Variants in TENM3 observed in about 807,000 individuals in gnomAD.
TENM3 encodes the protein teneurin transmembrane protein 3.
TENM3 carries 63 observed loss-of-function variants against 255.1 expected under a neutral mutation model. The observed-to-expected ratio is 0.25, with a 90% CI of 0.20 to 0.30. The LOEUF is 0.30. Ranked by LOEUF, TENM3 falls within the 10% of genes least tolerant of loss-of-function variation. TENM3 has a pLI of 1.00. For missense variants in TENM3, 2,929 were observed against 3,461.1 expected (o/e 0.85, Z 3.86); for synonymous variants, 1,306 against 1,322.3 (o/e 0.99, Z 0.27).
At chr4:182,784,007 TC>T (rs1219404632) in intron 24 of TENM3, among the ~76,000 whole-genome samples, 1 of 152,248 alleles carries the variant, frequency 6.6e-6, no homozygotes, top group Non-Finnish European at 1.5e-5. Context: ...TTGAATGTCC[TC>T]CCGTAGCTCA....
At chr4:181,510,339 A>G in the TENM3 span, among the ~76,000 whole-genome samples, 4 of 152,302 alleles carry the variant, frequency 2.6e-5, no homozygotes, top group Admixed American at 2.6e-4. Flanking sequence ...GTCCAGACAA[A>G]CAACATACCA....
chr4:181,627,633 G>C, the TENM3 span, among the ~76,000 whole-genome samples: 1 of 152,130 alleles, frequency 6.6e-6, no homozygotes, highest in Non-Finnish European at 1.5e-5. Flanking sequence ...ATGGTTTCCA[G>C]CTTCATCCAT....
the TENM3 span, among the ~76,000 whole-genome samples, chr4:181,478,636 T>C: frequency 1.3e-5 from 2 of 152,342 alleles, no homozygotes; most frequent in Admixed American, 6.5e-5. Flanking sequence ...TTATTAATTC[T>C]TTCAGTAAAA....
At chr4:182,432,849 G>GGGGTGTGTGTGT (rs747628733) in intron 3 of TENM3, among the ~76,000 whole-genome samples, 84 of 143,080 alleles carry the variant, frequency 5.9e-4, no homozygotes, top group African/African-American at 1.9e-3. Context: ...AATGGATTTG[G>GGGGTGTGTGTGT]GTGTGTGTGT....
intron 1 of TENM3, among the ~76,000 whole-genome samples, chr4:182,225,003 A>G (rs1756063378): frequency 6.6e-6 from 1 of 152,100 alleles, no homozygotes; most frequent in Admixed American, 6.5e-5. Context: ...AAGTGCTGGG[A>G]CTACAGGCAG....
At chr4:182,298,455 T>C (rs1254954287) in intron 1 of TENM3, among the ~76,000 whole-genome samples, 1 of 152,156 alleles carries the variant, frequency 6.6e-6, no homozygotes, top group Non-Finnish European at 1.5e-5. Context: ...GGGAACTTTG[T>C]TGTTAAAAGG....
At chr4:182,718,652 C>T (rs1183098386) in intron 13 of TENM3, among the ~76,000 whole-genome samples, 1 of 152,198 alleles carries the variant, frequency 6.6e-6, no homozygotes, top group Non-Finnish European at 1.5e-5. Flanking sequence ...GAATCTTCTT[C>T]TCTCTGTCTC....
intron 3 of TENM3, among the ~76,000 whole-genome samples, chr4:182,483,882 C>A (rs1233271955): frequency 5.9e-5 from 9 of 152,030 alleles, no homozygotes; most frequent in Non-Finnish European, 1.3e-4. Flanking sequence ...TTAACCAGAT[C>A]TCGCGAGAAC....
chr4:181,995,074 A>G, the TENM3 span, among the ~76,000 whole-genome samples: 5 of 152,186 alleles, frequency 3.3e-5, no homozygotes, highest in East Asian at 9.7e-4. Context: ...AGATCACTTG[A>G]GGTCAGGAGT....
intron 5 of TENM3, among the ~76,000 whole-genome samples, chr4:182,642,642 A>G (rs1752414535): frequency 6.6e-6 from 1 of 152,212 alleles, no homozygotes; most frequent in Non-Finnish European, 1.5e-5. Context: ...GCATAGAAAT[A>G]TAAAATATTG....
At chr4:182,544,262 G>A (rs62339067) in intron 3 of TENM3, among the ~76,000 whole-genome samples, 2,194 of 149,548 alleles carry the variant, frequency 0.015, 22 homozygotes, top group Middle Eastern at 0.039. Flanking sequence ...TGCCTTTCAA[G>A]TTCCAGCTCA....
chr4:182,129,911 C>A, the TENM3 span, among the ~76,000 whole-genome samples: 1 of 152,056 alleles, frequency 6.6e-6, no homozygotes, highest in Non-Finnish European at 1.5e-5. Context: ...TACACAAATA[C>A]ATAAGTATAT....
intron 3 of TENM3, among the ~76,000 whole-genome samples, chr4:182,549,601 C>A (rs1358489268): frequency 6.6e-6 from 1 of 152,182 alleles, no homozygotes; most frequent in Non-Finnish European, 1.5e-5. Flanking sequence ...AGTCACGCTT[C>A]CAGGGCCCAG....
chr4:181,714,373 G>A, the TENM3 span, among the ~76,000 whole-genome samples: 1 of 152,184 alleles, frequency 6.6e-6, no homozygotes, highest in African/African-American at 2.4e-5. Flanking sequence ...AGCCTGGGAG[G>A]TGGAGGCTGC....
the TENM3 span, among the ~76,000 whole-genome samples, chr4:181,537,795 G>T: frequency 1.3e-5 from 2 of 152,118 alleles, no homozygotes; most frequent in African/African-American, 4.8e-5. Flanking sequence ...CCTAGTTAAG[G>T]TAACACAACA....
intron 2 of TENM3, among the ~76,000 whole-genome samples, chr4:182,346,125 T>G (rs752342733): frequency 6.6e-6 from 1 of 151,680 alleles, no homozygotes; most frequent in Non-Finnish European, 1.5e-5. Context: ...CTACGTGTTA[T>G]GTTGATTGCT....
the TENM3 span, among the ~76,000 whole-genome samples, chr4:181,690,351 T>C: frequency 1.3e-5 from 2 of 152,148 alleles, no homozygotes; most frequent in Non-Finnish European, 2.9e-5. Context: ...CATCGCTTTG[T>C]AAAAAAGCTC....
At chr4:182,664,816 C>G (rs993888470) in intron 6 of TENM3, among the ~76,000 whole-genome samples, 1 of 152,182 alleles carries the variant, frequency 6.6e-6, no homozygotes, top group East Asian at 1.9e-4. Flanking sequence ...GCAAGGCTGT[C>G]TCTTCAAATC....
intron 5 of TENM3, among the ~76,000 whole-genome samples, chr4:182,645,108 T>A (rs1226775160): frequency 6.6e-6 from 1 of 151,880 alleles, no homozygotes; most frequent in Non-Finnish European, 1.5e-5. Flanking sequence ...TGGGTTTCTT[T>A]TTTCTGTTCA....
Sources: gnomAD v4.1 joint callset for allele counts (sites outside exome capture counted in the v4.1 genomes callset) on GRCh38, gnomAD v4.1.1 for gene constraint, MANE v1.5 for transcripts, NCBI Gene and HGNC (gene_info 2026-07-23, HGNC 2026-07-21) for gene names.